Variants in CTNNA3 observed in about 807,000 individuals in gnomAD.
CTNNA3 encodes catenin alpha-3.
A neutral mutation model predicts 95.7 loss-of-function variants in CTNNA3; 76 were observed. That is an observed-to-expected ratio of 0.79 (90% CI 0.66 to 0.96). The LOEUF (loss-of-function observed/expected upper bound fraction) is 0.96. Among genes scored for constraint, CTNNA3 ranks in the 40% least tolerant of loss-of-function variants. The pLI, the probability that CTNNA3 is intolerant of heterozygous loss-of-function variation, is 0.00. For missense variants in CTNNA3, 1,191 were observed against 1,089.8 expected, an observed-to-expected ratio of 1.09 and a Z score of -1.31; for synonymous variants, 431 against 374.4, an observed-to-expected ratio of 1.15 and a Z score of -1.74.
chr10:66,038,942 A>C (rs1412056404), intron 15 of CTNNA3, among the ~76,000 whole-genome samples: 1 of 152,240 alleles, frequency 6.6e-6, no homozygotes, highest in East Asian at 1.9e-4. Context: ...ATAGAAAGAG[A>C]GGAAGTCAAA....
chr10:66,643,178 T>G (rs1431106676), intron 9 of CTNNA3, among the ~76,000 whole-genome samples: 3 of 152,192 alleles, frequency 2.0e-5, no homozygotes, highest in African/African-American at 4.8e-5. Flanking sequence ...ATTTACAATC[T>G]AAACTTGTAA....
intron 5 of CTNNA3, among the ~76,000 whole-genome samples, chr10:67,361,478 A>C (rs1394037756): frequency 6.6e-6 from 1 of 152,172 alleles, no homozygotes; most frequent in African/African-American, 2.4e-5. Flanking sequence ...ACATCCCAAA[A>C]CCACACAATT....
intron 5 of CTNNA3, chr10:67,403,270 T>G (rs1188185176): frequency 6.6e-6 from 1 of 152,236 alleles, no homozygotes; most frequent in Admixed American, 6.5e-5. Context: ...CAGCCACCCC[T>G]GCCCATATTC....
intron 7 of CTNNA3, among the ~76,000 whole-genome samples, chr10:66,801,879 T>C (rs773195264): frequency 6.6e-6 from 1 of 151,480 alleles, no homozygotes; most frequent in Non-Finnish European, 1.5e-5. Context: ...ATTAAGAAAA[T>C]TTCCTATTAG....
chr10:67,072,738 T>C (rs1019753626), intron 7 of CTNNA3, among the ~76,000 whole-genome samples: 4 of 152,236 alleles, frequency 2.6e-5, no homozygotes, highest in African/African-American at 9.7e-5. Flanking sequence ...TTTCAGCTCA[T>C]TTCTTTATCT....
chr10:66,268,123 T>C (rs1157286167), intron 13 of CTNNA3, among the ~76,000 whole-genome samples: 3 of 152,154 alleles, frequency 2.0e-5, no homozygotes, highest in Non-Finnish European at 2.9e-5. Flanking sequence ...ATGATGACTA[T>C]GATAATAAGA....
chr10:67,728,491 C>T (rs1480509109), intron 1 of CTNNA3, among the ~76,000 whole-genome samples: 2 of 150,702 alleles, frequency 1.3e-5, no homozygotes, highest in African/African-American at 2.4e-5. Flanking sequence ...GACAGAGTCT[C>T]GCTCTGTTGC....
chr10:67,180,612 A>C, intron 6 of CTNNA3, 92 bp from the exon 7 acceptor site: 1 of 1,016,190 alleles, frequency 9.8e-7, no homozygotes. Flanking sequence ...TTTAGAATTC[A>C]GATGTGATAA....
chr10:66,508,210 G>GTTT (rs756807793), intron 11 of CTNNA3, among the ~76,000 whole-genome samples: 1,983 of 108,396 alleles, frequency 0.018, 133 homozygotes, highest in African/African-American at 0.063. Flanking sequence ...TTTGTTTTCT[G>GTTT]TTTTTTTTTT....
chr10:67,397,638 G>C (rs1844756804), intron 5 of CTNNA3, among the ~76,000 whole-genome samples: 1 of 152,202 alleles, frequency 6.6e-6, no homozygotes, highest in African/African-American at 2.4e-5. Flanking sequence ...TAATCACCAA[G>C]ACAATGGCTA....
chr10:67,172,684 G>T (rs1294477515), intron 7 of CTNNA3, among the ~76,000 whole-genome samples: 1 of 151,948 alleles, frequency 6.6e-6, no homozygotes, highest in Admixed American at 6.6e-5. Flanking sequence ...CAGAAGTAAC[G>T]CAGTTTTGGC....
chr10:66,473,563 T>C (rs1437852516), intron 11 of CTNNA3, among the ~76,000 whole-genome samples: 1 of 151,950 alleles, frequency 6.6e-6, no homozygotes, highest in African/African-American at 2.4e-5. Flanking sequence ...ATGTGCACAA[T>C]GTGCAGGTTT....
At chr10:66,920,573 T>C (rs962049398) in intron 7 of CTNNA3, among the ~76,000 whole-genome samples, 3 of 152,186 alleles carry the variant, frequency 2.0e-5, no homozygotes, top group Non-Finnish European at 4.4e-5. Context: ...TTCATAACTT[T>C]CTGTTCAAAA....
At chr10:67,541,040 C>T (rs1840670040) in intron 3 of CTNNA3, among the ~76,000 whole-genome samples, 1 of 151,746 alleles carries the variant, frequency 6.6e-6, no homozygotes, top group Non-Finnish European at 1.5e-5. Context: ...TACACTGTAA[C>T]TTATTTTACC....
intron 7 of CTNNA3, among the ~76,000 whole-genome samples, chr10:66,915,266 T>C (rs1367790879): frequency 6.7e-6 from 1 of 149,794 alleles, no homozygotes; most frequent in African/African-American, 2.5e-5. Context: ...GAAAGTATCA[T>C]ACAGAGGAAA....
At chr10:66,001,929 A>G (rs993679810) in intron 15 of CTNNA3, among the ~76,000 whole-genome samples, 1 of 152,186 alleles carries the variant, frequency 6.6e-6, no homozygotes, top group African/African-American at 2.4e-5. Flanking sequence ...TAAAATATAT[A>G]CACACATAAA....
rs958080153 is a variant in CTNNA3, at chr10:65,953,087, A to C, written c.2400+13525T>G. 2.6e-5 allele frequency among the ~76,000 whole-genome samples: 4 copies of C among 152,202 alleles called. No individual in the cohort carries two copies. The South Asian group carries it at 6.2e-4, about 24-fold the overall frequency. The stretch of plus-strand genomic sequence containing the variant: ...TTTGTTCCTGAATTTCCTTTTTCAT[A>C]TATACAGGCTAGAATATAACAATAG... On this transcript the variant is annotated intron_variant, in intron 17 of 17. Coordinates refer to ENST00000433211, the MANE Select transcript of CTNNA3 (RefSeq NM_013266.4).
chr10:66,360,709 C>T (rs10997082), intron 12 of CTNNA3, among the ~76,000 whole-genome samples: 46 of 37,906 alleles, frequency 1.2e-3, no homozygotes, highest in African/African-American at 1.8e-3. Flanking sequence ...TCTTTCTTTC[C>T]TCCTTCCTTT....
At chr10:67,453,047 G>T (rs935821837) in intron 5 of CTNNA3, among the ~76,000 whole-genome samples, 1 of 151,996 alleles carries the variant, frequency 6.6e-6, no homozygotes, top group Non-Finnish European at 1.5e-5. Flanking sequence ...AGAAAGAGTG[G>T]GGCCATGTTA....
Sources: gnomAD v4.1 joint callset for allele counts (sites outside exome capture counted in the v4.1 genomes callset) on GRCh38, gnomAD v4.1.1 for gene constraint, MANE v1.5 for transcripts, NCBI Gene and HGNC (gene_info 2026-07-23, HGNC 2026-07-21) for gene names.